Variants in EDAR observed in about 807,000 individuals in gnomAD.
The protein encoded by EDAR is tumor necrosis factor receptor superfamily member EDAR.
A neutral mutation model predicts 51.3 loss-of-function variants in EDAR; 38 were observed. That is an observed-to-expected ratio of 0.74 (90% CI 0.57 to 0.97). The LOEUF is 0.97. EDAR is among the 50% of genes least tolerant of loss of function. EDAR has a pLI of 0.00. For missense variants in EDAR, 528 were observed against 595.0 expected (o/e 0.89, Z 1.17); for synonymous variants, 227 against 242.1 (o/e 0.94, Z 0.58).
intron 1 of EDAR, among the ~76,000 whole-genome samples, chr2:108,977,230 G>C (rs260599): frequency 1 from 151,501 of 152,256 alleles, 75,382 homozygotes; most frequent in Middle Eastern, 1. Flanking sequence ...CTTTGCCGCC[G>C]GGAGATCTGG....
intron 1 of EDAR, among the ~76,000 whole-genome samples, chr2:108,934,254 A>G (rs141441123): frequency 0.014 from 2,173 of 152,126 alleles, 33 homozygotes; most frequent in African/African-American, 0.048. Context: ...GGGGGAGGGG[A>G]GCACAGGGCA....
At chr2:108,913,988 C>T (rs889187923) in intron 5 of EDAR, among the ~76,000 whole-genome samples, 5 of 147,002 alleles carry the variant, frequency 3.4e-5, no homozygotes, top group Non-Finnish European at 6.0e-5. Context: ...GGGCCGGGCG[C>T]GGTAGCTCAT....
intron 5 of EDAR, among the ~76,000 whole-genome samples, chr2:108,915,639 C>G (rs1445611582): frequency 6.6e-6 from 1 of 152,036 alleles, no homozygotes; most frequent in Non-Finnish European, 1.5e-5. Context: ...GTGGCTCATG[C>G]CTATAATCCC....
At chr2:108,945,406 C>G (rs1051884874) in intron 1 of EDAR, among the ~76,000 whole-genome samples, 1 of 152,130 alleles carries the variant, frequency 6.6e-6, no homozygotes, top group African/African-American at 2.4e-5. Flanking sequence ...CTAGAGTATG[C>G]TGGTACTAAA....
intron 9 of EDAR, among the ~76,000 whole-genome samples, chr2:108,908,963 C>A (rs999700075): frequency 4.6e-5 from 7 of 152,070 alleles, no homozygotes; most frequent in Non-Finnish European, 1.0e-4. Context: ...TAGGACCCAT[C>A]CCTGTCCCCA....
intron 1 of EDAR, among the ~76,000 whole-genome samples, chr2:108,973,231 G>C (rs1192171035): frequency 6.6e-6 from 1 of 152,180 alleles, no homozygotes; most frequent in Non-Finnish European, 1.5e-5. Context: ...CAGGTGTTCT[G>C]CCTGCTTCGG....
chr2:108,921,290 C>G (rs1411061455), intron 5 of EDAR, among the ~76,000 whole-genome samples: 1 of 152,196 alleles, frequency 6.6e-6, no homozygotes, highest in Non-Finnish European at 1.5e-5. Flanking sequence ...GGTGTCTCCC[C>G]TGCAGCTGCG....
At chr2:108,973,535 C>T (rs1390729731) in intron 1 of EDAR, among the ~76,000 whole-genome samples, 1 of 152,200 alleles carries the variant, frequency 6.6e-6, no homozygotes, top group African/African-American at 2.4e-5. Flanking sequence ...TCTTTCTTGA[C>T]TGCCATGGAC....
At chr2:108,959,830 T>G (rs974578184) in intron 1 of EDAR, among the ~76,000 whole-genome samples, 6 of 152,196 alleles carry the variant, frequency 3.9e-5, no homozygotes, top group Admixed American at 6.5e-5. Context: ...CACAGGTCTC[T>G]CAAGAAACTC....
chr2:108,960,374 G>T (rs1411030847), intron 1 of EDAR, among the ~76,000 whole-genome samples: 1 of 152,200 alleles, frequency 6.6e-6, no homozygotes, highest in East Asian at 1.9e-4. Flanking sequence ...TTCTCAAGAC[G>T]CTCTTGCTGA....
intron 10 of EDAR, among the ~76,000 whole-genome samples, chr2:108,907,214 G>C (rs971047070): frequency 6.6e-6 from 1 of 152,228 alleles, no homozygotes; most frequent in African/African-American, 2.4e-5. Flanking sequence ...TTGTGTGTGT[G>C]TGTGTCTAGA....
At chr2:108,907,805 C>A in intron 10 of EDAR, 55 bp downstream of exon 10, 1 of 1,602,442 alleles carries the variant, frequency 6.2e-7, no homozygotes, top group Admixed American at 1.7e-5. Context: ...TTTAGTCTTG[C>A]GGCTGTGAGG....
intron 5 of EDAR, 100 bp downstream of exon 5, chr2:108,923,268 C>A: frequency 8.5e-7 from 1 of 1,175,772 alleles, no homozygotes; most frequent in Non-Finnish European, 1.3e-6. Flanking sequence ...TGTGATTCAC[C>A]TTGTCCAGGT....
chr2:108,939,484 A>G (rs1481827645), intron 1 of EDAR, among the ~76,000 whole-genome samples: 1 of 152,132 alleles, frequency 6.6e-6, no homozygotes, highest in Non-Finnish European at 1.5e-5. Context: ...CCAGGTGGGG[A>G]GGTCAGGAGG....
At position 108,896,559 on chromosome 2, in the gene EDAR, C is replaced by A. The variant is rs1462608849; in HGVS notation, c.*348G>T. The stretch of plus-strand genomic sequence containing the variant: ...ACTCCTTAAAGACAGGGACCAGATT[C>A]TTCACTTCTGTCATTCCCACGGGGT... On this transcript the variant is annotated 3_prime_UTR_variant, in exon 12 of 12. Coordinates refer to ENST00000258443, the MANE Select transcript of EDAR (RefSeq NM_022336.4). 2 of 255,264 alleles carry A rather than the reference C, an allele frequency of 7.8e-6. No individual in the cohort carries two copies. The highest frequency in any genetic ancestry group is 1.5e-5 in the Non-Finnish European group (2 of 131,050). 15.8% of individuals were successfully genotyped at this position (255,264 alleles called of 1,614,324 possible).
rs747973928 is a variant in EDAR, at chr2:108,897,190, T to C, written c.1064A>G (p.Lys355Arg). The change falls in exon 12 of 12, where the codon AAG becomes AGG. Residue 355 changes from lysine to arginine, a missense_variant. Transcript: ENST00000258443. The part of the protein sequence containing the change: ...PTELPFDCLE[K>R]TSRMLSSTYN... ...CGTGGAGCTGAGCATTCGGCTAGTC[T>C]TCTCGAGGCAATCAAATGGCAGCTC... is the stretch of plus-strand genomic sequence containing the variant. The C allele has an allele frequency of 1.9e-6, 3 of 1,613,788 alleles. No individual in the cohort carries two copies. In the Admixed American group the frequency reaches 5.0e-5, roughly 27 times the overall value.
rs1231995132 is a variant in EDAR, at chr2:108,923,429, C to T, written c.381G>A (p.Pro127=). The change falls in exon 5 of 12, where the codon CCG becomes CCA. Residue 127 remains proline, a synonymous_variant. Coordinates refer to ENST00000258443, the MANE Select transcript of EDAR (RefSeq NM_022336.4). ...LPGYYMLENR[P]RNIYGMVCYS... ...AGCAGACCATGCCATAGATGTTCCT[C>T]GGTCTGTTCTCCAGCATGTAGTAGC... 8 of 1,614,192 alleles carry T rather than the reference C, an allele frequency of 5.0e-6. No individual in the cohort carries two copies. Among genetic ancestry groups the T allele is most frequent in the South Asian group, 1.1e-5 (1 of 91,082 alleles).
intron 1 of EDAR, among the ~76,000 whole-genome samples, chr2:108,979,454 G>GTCTC (rs1286163002): frequency 1.7e-5 from 2 of 116,382 alleles, no homozygotes; most frequent in Non-Finnish European, 1.7e-5. Flanking sequence ...CTCTGTCTCT[G>GTCTC]TCTCTCTCTC....
chr2:108,895,179 T>C lies in EDAR; in HGVS notation c.*1728A>G, dbSNP rs1696558717. On this transcript the variant is annotated 3_prime_UTR_variant, in exon 12 of 12. Coordinates refer to ENST00000258443, the MANE Select transcript of EDAR (RefSeq NM_022336.4). ...CACAGTAAATGATGATATTAAATAT[T>C]CAGGACCTCATTATGATCCTCTCAC... 2 of 152,648 alleles carry C rather than the reference T, an allele frequency of 1.3e-5. No homozygotes were observed. The highest frequency in any genetic ancestry group is 1.3e-4 in the Admixed American group (2 of 15,288). The allele number at this position is 152,648 out of a possible 1,614,324, so 9.5% of individuals were successfully genotyped here.
Sources: allele counts gnomAD v4.1 joint callset (sites outside exome capture counted in the v4.1 genomes callset), GRCh38; gene constraint gnomAD v4.1.1; transcripts MANE v1.5; gene names NCBI Gene and HGNC (gene_info 2026-07-23, HGNC 2026-07-21).